LYSMD4: variants seen among roughly 807,000 people sequenced by gnomAD.
The protein encoded by LYSMD4 is LysM domain containing 4.
LYSMD4 carries 9 observed loss-of-function variants against 6.1 expected under a neutral mutation model. That is an observed-to-expected ratio of 1.47 (90% CI 0.88 to 2.56). The LOEUF (loss-of-function observed/expected upper bound fraction) is 2.56. Ranked by LOEUF, LYSMD4 falls within the 30% of genes most tolerant of loss-of-function variation. The probability of loss-of-function intolerance (pLI) is 0.00; values close to 1 mark genes in which losing one functional copy is unlikely to be tolerated. For missense variants in LYSMD4, 384 were observed against 373.5 expected (o/e 1.03, Z -0.23); for synonymous variants, 143 against 148.5 (o/e 0.96, Z 0.27).
chr15:99,724,343 C>T (rs1200446762), downstream of LYSMD4, among the ~76,000 whole-genome samples: 3 of 152,218 alleles, frequency 2.0e-5, no homozygotes, highest in African/African-American at 7.2e-5. Context: ...TCACTGTAAC[C>T]TCCACCTCCC....
intron 2 of LYSMD4, chr15:99,731,295 G>A: frequency 6.2e-7 from 1 of 1,600,890 alleles, no homozygotes; most frequent in Non-Finnish European, 8.5e-7. Context: ...TTTACCAAAA[G>A]TCAAGTAAGC....
Position 99,729,681 on chromosome 15 carries a change from A to C in LYSMD4, c.333T>G (p.Tyr111Ter), listed in dbSNP as rs772597561. The change falls in exon 3 of 3, where the codon TAT becomes TAG. Residue 111 changes from tyrosine (Y) to a stop codon, truncating the protein, a stop_gained. Coordinates refer to ENST00000684762, the MANE Select transcript of LYSMD4 (RefSeq NM_001284417.2). LOFTEE classifies it low-confidence loss of function (END_TRUNC). ...VNNFIREQDL[Y>*]ALKSVKIPVR... ...CTGGAATCTTAACAGATTTCAAAGC[A>C]TATAAGTCTTGTTCTCTGATGAAGT... The C allele has an allele frequency of 9.9e-6, 16 of 1,613,658 alleles. No individual in the cohort carries two copies. The highest frequency in any genetic ancestry group is 1.7e-6 in the Non-Finnish European group (2 of 1,179,958).
At chr15:99,730,975 C>T (rs769268542) in intron 2 of LYSMD4, among the ~76,000 whole-genome samples, 12 of 152,076 alleles carry the variant, frequency 7.9e-5, no homozygotes, top group Non-Finnish European at 1.6e-4. Flanking sequence ...CCTGAAAGAC[C>T]GCAACACCCC....
rs1024844668 is a variant in LYSMD4, at chr15:99,731,161, T to C, written c.282+557A>G. On this transcript the variant is annotated intron_variant, in intron 2 of 2. Transcript: ENST00000684762. Reference sequence around the variant, plus strand: ...GAAAATGCAGCAATTCTAGAAATACTTTCCTACTTACTTTGCCATTGTTAA... The same window carrying C: ...GAAAATGCAGCAATTCTAGAAATACCTTCCTACTTACTTTGCCATTGTTAA... The C allele has an allele frequency of 4.3e-6, 7 of 1,611,028 alleles. No individual in the cohort carries two copies. The African/African-American group carries it at 8.0e-5, about 18-fold the overall frequency.
downstream of LYSMD4, among the ~76,000 whole-genome samples, chr15:99,725,966 G>C (rs2059276403): frequency 6.6e-6 from 1 of 152,136 alleles, no homozygotes; most frequent in Non-Finnish European, 1.5e-5. Flanking sequence ...TAGGGAGGTA[G>C]TGAGGGTAAA....
In LYSMD4 at chr15:99,729,260, A is replaced by G. The variant is rs572277329; in HGVS notation, c.754T>C (p.Leu252=). 1.2e-6 allele frequency: 2 copies of G among 1,614,238 alleles called. No individual in the cohort carries two copies. The highest frequency in any genetic ancestry group is 1.3e-5 in the African/African-American group (1 of 75,060). The change falls in exon 3 of 3, where the codon TTG becomes CTG. Residue 252 remains leucine, a synonymous_variant. Coordinates refer to ENST00000684762, the MANE Select transcript of LYSMD4 (RefSeq NM_001284417.2). ...IQASGETPNS[L]NTTVIPNGSM... is the part of the protein sequence containing the mutation. ...CCATTGGGGATGACAGTTGTGTTCA[A>G]GCTATTAGGGGTCTCACCACTAGCT... is the stretch of plus-strand genomic sequence containing the variant.
At chr15:99,723,444 TTCTTA>T (rs1159937766), downstream of LYSMD4, among the ~76,000 whole-genome samples, 1 of 152,248 alleles carries the variant, frequency 6.6e-6, no homozygotes, top group Non-Finnish European at 1.5e-5. Context: ...TGGTAACTGC[TTCTTA>T]TCTTCTGTAT....
downstream of LYSMD4, among the ~76,000 whole-genome samples, chr15:99,726,145 G>GTTT (rs1567547710): frequency 1.9e-4 from 6 of 31,420 alleles, no homozygotes; most frequent in South Asian, 5.2e-3. Context: ...TGTCTCAAGT[G>GTTT]GTTTTTTTTT....
At position 99,731,772 on chromosome 15, in the gene LYSMD4, C is replaced by G. The variant is rs2059420563; in HGVS notation, c.228G>C (p.Arg76=). The G allele has an allele frequency of 1.2e-6, 2 of 1,609,898 alleles. No homozygotes were observed. The highest frequency in any genetic ancestry group is 2.2e-5 in the South Asian group (2 of 90,896). ...AGAGDVVLLQ[R]ELAQEDSLNK... ...TGAGGCTGTCCTCCTGGGCCAGCTC[C>G]CGCTGCAGCAGCACCACGTCACCTG... The change falls in exon 2 of 3, where the codon CGG becomes CGC. Residue 76 remains arginine (R), a synonymous_variant. Transcript: ENST00000684762.
chr15:99,717,077 T>TC (rs1461882466), exon 1 of LYSMD4: 1 of 170,158 alleles, frequency 5.9e-6, no homozygotes. Context: ...TGAAAAATCT[T>TC]CAACTTTCAG....
At chr15:99,718,343 T>C (rs1404345536), upstream of LYSMD4, among the ~76,000 whole-genome samples, 1 of 152,206 alleles carries the variant, frequency 6.6e-6, no homozygotes, top group Non-Finnish European at 1.5e-5. Flanking sequence ...CTTTGATCAC[T>C]TGGTTCAGTG....
upstream of LYSMD4, among the ~76,000 whole-genome samples, chr15:99,718,204 G>A (rs149785125): frequency 1.2e-3 from 182 of 152,050 alleles, no homozygotes; most frequent in African/African-American, 3.7e-3. Context: ...GTCTAATACC[G>A]CTCGGTGTGG....
Position 99,729,191 on chromosome 15 carries a change from C to T in LYSMD4, c.823G>A (p.Ala275Thr), listed in dbSNP as rs1180723266. The change falls in exon 3 of 3, where the codon GCA becomes ACA. Residue 275 changes from alanine (A) to threonine (T), a missense_variant. Physicochemically the swap from Ala to Thr is moderately conservative, Grantham distance 58 (BLOSUM62 0). Coordinates refer to ENST00000684762, the MANE Select transcript of LYSMD4 (RefSeq NM_001284417.2). ...GTVPGQAPRL[A>T]VAVPAVTSAD... ...GAAGTGACGGCTGGCACTGCAACTG[C>T]TAGTCTGGGGGCTTGCCCTGGAACT... 2 of 1,614,246 alleles carry T rather than the reference C, an allele frequency of 1.2e-6. No homozygotes were observed. Among genetic ancestry groups the T allele is most frequent in the African/African-American group, 1.3e-5 (1 of 75,060 alleles).
At chr15:99,717,153 A>G (rs963366595) in exon 1 of LYSMD4, 1 of 154,002 alleles carries the variant, frequency 6.5e-6, no homozygotes, top group South Asian at 2.0e-4. Context: ...CCTGGTGTTA[A>G]ACTGAAAACT....
intron 2 of LYSMD4, chr15:99,731,043 G>C: frequency 1.2e-6 from 1 of 810,210 alleles, no homozygotes. Context: ...AGGAGAAAGA[G>C]ATTTCTTAAA....
upstream of LYSMD4, chr15:99,720,906 G>A (rs1201462290): frequency 1.3e-5 from 2 of 152,174 alleles, no homozygotes; most frequent in Non-Finnish European, 1.5e-5. Flanking sequence ...CAAGGTCTTC[G>A]CTTCTGTAAC....
In LYSMD4 at chr15:99,729,022, C is replaced by T. The variant is rs1280211536; in HGVS notation, c.*101G>A. 2 of 1,493,876 alleles carry T rather than the reference C, an allele frequency of 1.3e-6. No homozygotes were observed. Among genetic ancestry groups the T allele is most frequent in the Non-Finnish European group, 1.8e-6 (2 of 1,100,862 alleles). 92.5% of individuals were successfully genotyped at this position (1,493,876 alleles called of 1,614,324 possible). On this transcript the variant is annotated 3_prime_UTR_variant, in exon 3 of 3. Transcript: ENST00000684762. ...TGACTTCTGAAAAGTGTCCATCCTT[C>T]CCCGGAAGCAAAATGCAGCACCCCT...
chr15:99,725,645 T>C, downstream of LYSMD4, among the ~76,000 whole-genome samples: 1 of 152,064 alleles, frequency 6.6e-6, no homozygotes, highest in Middle Eastern at 3.2e-3. Flanking sequence ...GATTCTACAG[T>C]TACTGCGATT....
intron 1 of LYSMD4, chr15:99,733,113 G>C (rs896301292): frequency 2.7e-6 from 1 of 365,664 alleles, no homozygotes; most frequent in Non-Finnish European, 4.9e-6. Flanking sequence ...TCCACGGGCG[G>C]GGCCCTAACA....
Sources: gnomAD v4.1 joint callset for allele counts (sites outside exome capture counted in the v4.1 genomes callset) on GRCh38, gnomAD v4.1.1 for gene constraint, MANE v1.5 for transcripts, NCBI Gene and HGNC (gene_info 2026-07-23, HGNC 2026-07-21) for gene names.